Variants in KRCC1 observed in about 807,000 individuals in gnomAD.
The protein encoded by KRCC1 is lysine rich coiled-coil 1.
In KRCC1, 3 loss-of-function variants were observed where a neutral mutation model predicts 7.4. The observed-to-expected ratio is 0.40, with a 90% CI of 0.18 to 1.04. The LOEUF (loss-of-function observed/expected upper bound fraction) is 1.04, where lower values mean the gene tolerates loss of function less well. Among genes scored for constraint, KRCC1 ranks in the 50% least tolerant of loss-of-function variants. The pLI, the probability that KRCC1 is intolerant of heterozygous loss-of-function variation, is 0.33. For synonymous variants in KRCC1, 102 were observed against 101.6 expected, an observed-to-expected ratio of 1.00 and a Z score of -0.02; for missense variants, 277 against 300.9, an observed-to-expected ratio of 0.92 and a Z score of 0.59.
chr2:88,028,641 G>C (rs1672929809), intron 3 of KRCC1, 56 bp from the exon 4 acceptor site: 7 of 708,466 alleles, frequency 9.9e-6, no homozygotes, highest in Non-Finnish European at 1.4e-5. Context: ...CATTTCCTTT[G>C]CTCTTTTTTT....
In KRCC1 at chr2:88,028,401, T is replaced by A. The variant is rs190685783; in HGVS notation, c.163A>T (p.Thr55Ser). The change falls in exon 4 of 4, where the codon ACG becomes TCG. Residue 55 changes from threonine (T) to serine (S), a missense_variant. By Grantham distance (58) the Thr-to-Ser change is moderately conservative. Coordinates refer to ENST00000347055, the MANE Select transcript of KRCC1 (RefSeq NM_016618.3). ...AGTCTCTGGTCAAACATTCTATACG[T>A]GGGTCTGGAATTAACCTCTCCTTTG... ...GYKGEVNSRPTYRMFDQRLPS... is the reference protein window; with the variant it reads ...GYKGEVNSRPSYRMFDQRLPS... 6.2e-7 allele frequency: 1 copy of A among 1,614,142 alleles called. No homozygotes were observed.
intron 3 of KRCC1, among the ~76,000 whole-genome samples, 164 bp downstream of exon 3, chr2:88,033,970 T>G (rs531195628): frequency 6.6e-6 from 1 of 151,980 alleles, no homozygotes; most frequent in African/African-American, 2.4e-5. Flanking sequence ...AAACAAAATA[T>G]GGTATATTCA....
chr2:88,036,640 T>C (rs1270599019), intron 2 of KRCC1, among the ~76,000 whole-genome samples: 2 of 152,196 alleles, frequency 1.3e-5, no homozygotes, highest in Admixed American at 6.5e-5. Context: ...TATATTAATA[T>C]TTTCCTGCTC....
intron 1 of KRCC1, among the ~76,000 whole-genome samples, chr2:88,051,974 T>C (rs1366058389): frequency 3.3e-5 from 5 of 152,248 alleles, no homozygotes; most frequent in Admixed American, 2.6e-4. Flanking sequence ...TTTTAGGATA[T>C]TTGTGGCATC....
In KRCC1 at chr2:88,055,739, G is replaced by A; in HGVS notation, c.-404C>T. ...CGGAGAGGCAGGAACAACCGCTGCC[G>A]CCACCGCCGCCTCCGCCGCCGAGCA... On this transcript the variant is annotated 5_prime_UTR_variant, in exon 1 of 4. Transcript: ENST00000347055. The A allele has an allele frequency of 6.5e-6, 1 of 154,390 alleles. No individual in the cohort carries two copies. Among genetic ancestry groups the A allele is most frequent in the Non-Finnish European group, 1.4e-5 (1 of 69,514 alleles). 9.6% of individuals were successfully genotyped at this position (154,390 alleles called of 1,614,324 possible).
intron 3 of KRCC1, among the ~76,000 whole-genome samples, chr2:88,032,152 A>G: frequency 6.6e-6 from 1 of 151,982 alleles, no homozygotes; most frequent in Middle Eastern, 3.4e-3. Context: ...AAAATTAATT[A>G]ATTAATTAAT....
intron 1 of KRCC1, among the ~76,000 whole-genome samples, chr2:88,047,993 A>G (rs1356761883): frequency 1.3e-5 from 2 of 152,146 alleles, no homozygotes; most frequent in Admixed American, 6.5e-5. Context: ...AGACTTTTCA[A>G]TCTAACTCAC....
chr2:88,055,231 G>A (rs1673592067), intron 1 of KRCC1, among the ~76,000 whole-genome samples: 1 of 151,952 alleles, frequency 6.6e-6, no homozygotes, highest in Admixed American at 6.5e-5. Context: ...TCACCAAACG[G>A]AAGCTTACTC....
chr2:88,048,446 GT>G (rs150199924), intron 1 of KRCC1, among the ~76,000 whole-genome samples: 1 of 152,060 alleles, frequency 6.6e-6, no homozygotes, highest in South Asian at 2.1e-4. Flanking sequence ...ATGCAGTTTT[GT>G]TTTTTGATAT....
intron 1 of KRCC1, among the ~76,000 whole-genome samples, chr2:88,045,482 T>A (rs987521825): frequency 2.6e-5 from 4 of 152,180 alleles, no homozygotes; most frequent in African/African-American, 9.7e-5. Context: ...GTATCTACTG[T>A]ATGATTCTAT....
chr2:88,051,095 TA>T (rs1385183363), intron 1 of KRCC1, among the ~76,000 whole-genome samples: 2 of 149,680 alleles, frequency 1.3e-5, no homozygotes, highest in Non-Finnish European at 2.9e-5. Context: ...GGCTAATTTT[TA>T]TTTTTTTTTT....
At chr2:88,029,281 G>C (rs1672946948) in intron 3 of KRCC1, among the ~76,000 whole-genome samples, 1 of 152,110 alleles carries the variant, frequency 6.6e-6, no homozygotes, top group African/African-American at 2.4e-5. Context: ...CTGTATATTA[G>C]TTTCTAAGAG....
intron 2 of KRCC1, 51 bp downstream of exon 2, chr2:88,036,892 A>G (rs1282673841): frequency 1.3e-5 from 2 of 152,222 alleles, no homozygotes; most frequent in Non-Finnish European, 2.9e-5. Flanking sequence ...AAGTTTACCC[A>G]CTACATTTAA....
At chr2:88,033,254 T>C (rs899046663) in intron 3 of KRCC1, among the ~76,000 whole-genome samples, 1 of 152,226 alleles carries the variant, frequency 6.6e-6, no homozygotes, top group African/African-American at 2.4e-5. Context: ...CTGGGCGCGG[T>C]GGCTCAGGCC....
At chr2:88,032,205 C>A (rs1673007403) in intron 3 of KRCC1, among the ~76,000 whole-genome samples, 1 of 152,018 alleles carries the variant, frequency 6.6e-6, no homozygotes, top group African/African-American at 2.4e-5. Context: ...TAGTCTACAG[C>A]AGTGTACAGT....
intron 1 of KRCC1, among the ~76,000 whole-genome samples, chr2:88,054,439 T>C (rs1212535388): frequency 1.4e-4 from 21 of 152,202 alleles, no homozygotes; most frequent in Admixed American, 1.4e-3. Context: ...TTGTACCTCT[T>C]ACAACTCAGG....
rs1036746178 is a variant in KRCC1 at position 88,037,044 on chromosome 2, T to C, written c.-283A>G. ...CAAAGTTCAGTCTTTGTTCATTCAA[T>C]GTGGTATCTATCAATAAAAGAGAGG... On this transcript the variant is annotated 5_prime_UTR_variant, in exon 2 of 4. Coordinates refer to ENST00000347055, the MANE Select transcript of KRCC1 (RefSeq NM_016618.3). The C allele has an allele frequency of 1.3e-5, 2 of 152,180 alleles. No individual in the cohort carries two copies. Among genetic ancestry groups the C allele is most frequent in the Non-Finnish European group, 1.5e-5 (1 of 68,022 alleles). 9.4% of individuals were successfully genotyped at this position (152,180 alleles called of 1,614,324 possible).
intron 1 of KRCC1, among the ~76,000 whole-genome samples, chr2:88,041,012 G>A (rs2104615656): frequency 6.6e-6 from 1 of 152,304 alleles, no homozygotes; most frequent in South Asian, 2.1e-4. Context: ...GTGGAATGAT[G>A]CTAAATCATA....
intron 1 of KRCC1, among the ~76,000 whole-genome samples, chr2:88,050,854 T>C (rs534027608): frequency 2.0e-5 from 3 of 152,250 alleles, no homozygotes; most frequent in African/African-American, 7.2e-5. Context: ...TGGTGTTTCT[T>C]TGGATTTTTG....
Sources: allele counts gnomAD v4.1 joint callset (sites outside exome capture counted in the v4.1 genomes callset), GRCh38; gene constraint gnomAD v4.1.1; transcripts MANE v1.5; gene names NCBI Gene and HGNC (gene_info 2026-07-23, HGNC 2026-07-21).